ARHGAP29: variants seen among roughly 807,000 people sequenced by gnomAD.
ARHGAP29 encodes the protein rho GTPase-activating protein 29.
Under a neutral mutation model 122.6 loss-of-function variants are expected in ARHGAP29, and 43 were observed. That is an observed-to-expected ratio of 0.35 (90% confidence interval 0.27 to 0.45). The LOEUF (loss-of-function observed/expected upper bound fraction) is 0.45, where lower values mean the gene tolerates loss of function less well. Among genes scored for constraint, ARHGAP29 ranks in the 20% least tolerant of loss-of-function variants. The probability of loss-of-function intolerance (pLI) is 1.00; values close to 1 mark genes in which losing one functional copy is unlikely to be tolerated. For synonymous variants in ARHGAP29, 506 were observed against 497.1 expected, an observed-to-expected ratio of 1.02 and a Z score of -0.24; for missense variants, 1,303 against 1,477.2, an observed-to-expected ratio of 0.88 and a Z score of 1.93.
intron 1 of ARHGAP29, among the ~76,000 whole-genome samples, chr1:94,273,662 T>G (rs978955691): frequency 6.6e-6 from 1 of 152,216 alleles, no homozygotes; most frequent in African/African-American, 2.4e-5. Context: ...CTGAAGCTTG[T>G]GCAAAACAAA....
intron 1 of ARHGAP29, among the ~76,000 whole-genome samples, chr1:94,252,021 C>T (rs973801380): frequency 3.3e-5 from 5 of 151,966 alleles, no homozygotes; most frequent in Non-Finnish European, 7.4e-5. Flanking sequence ...AATTCATCAA[C>T]GAATGAAAGA....
intron 12 of ARHGAP29, chr1:94,193,878 A>G (rs557691420): frequency 3.3e-5 from 5 of 152,156 alleles, no homozygotes; most frequent in Non-Finnish European, 7.4e-5. Flanking sequence ...TAAATAATAG[A>G]CTACTTTTTT....
chr1:94,254,325 A>G (rs1654239037), intron 1 of ARHGAP29, among the ~76,000 whole-genome samples: 1 of 152,238 alleles, frequency 6.6e-6, no homozygotes, highest in Non-Finnish European at 1.5e-5. Context: ...GGTCACAGAC[A>G]TAACCATATA....
At chr1:94,183,160 G>A (rs1424499950) in intron 19 of ARHGAP29, among the ~76,000 whole-genome samples, 1 of 151,750 alleles carries the variant, frequency 6.6e-6, no homozygotes, top group Non-Finnish European at 1.5e-5. Context: ...ACATCACTGT[G>A]TACTCTATAA....
the ARHGAP29 span, among the ~76,000 whole-genome samples, chr1:94,312,135 T>C: frequency 6.6e-6 from 1 of 152,212 alleles, no homozygotes; most frequent in African/African-American, 2.4e-5. Flanking sequence ...AAAGTTGTTA[T>C]ATTTGCTGTC....
chr1:94,264,193 T>C (rs1654669018), intron 1 of ARHGAP29, among the ~76,000 whole-genome samples: 2 of 152,240 alleles, frequency 1.3e-5, no homozygotes, highest in African/African-American at 4.8e-5. Flanking sequence ...AATGGCCATC[T>C]GACTATGGCA....
At chr1:94,259,630 A>AG (rs1654482681) in intron 1 of ARHGAP29, among the ~76,000 whole-genome samples, 1 of 152,158 alleles carries the variant, frequency 6.6e-6, no homozygotes, top group Non-Finnish European at 1.5e-5. Context: ...AGGAACACCA[A>AG]GGATTGCCGG....
At chr1:94,207,979 G>A (rs922858183) in intron 5 of ARHGAP29, among the ~76,000 whole-genome samples, 3 of 151,934 alleles carry the variant, frequency 2.0e-5, no homozygotes, top group African/African-American at 7.3e-5. Context: ...CAAGTAGCTG[G>A]GACTACAGAC....
the ARHGAP29 span, chr1:94,302,627 TA>T: frequency 2.3e-6 from 1 of 432,132 alleles, no homozygotes; most frequent in South Asian, 1.7e-5. Context: ...GGCTCTCCAT[TA>T]CATCATCCCT....
chr1:94,287,778 T>C, the ARHGAP29 span, among the ~76,000 whole-genome samples: 34 of 137,300 alleles, frequency 2.5e-4, no homozygotes, highest in African/African-American at 8.0e-4. Context: ...TGTGATAGTT[T>C]GCTGAGAATG....
At chr1:94,231,689 A>G in intron 1 of ARHGAP29, 46 bp from the exon 2 acceptor site, 1 of 1,418,756 alleles carries the variant, frequency 7.0e-7, no homozygotes, top group East Asian at 2.3e-5. Context: ...GGAGAGAGAA[A>G]GAAACACAAA....
chr1:94,309,307 G>C, the ARHGAP29 span, among the ~76,000 whole-genome samples: 1 of 152,186 alleles, frequency 6.6e-6, no homozygotes, highest in Non-Finnish European at 1.5e-5. Flanking sequence ...ACAGCGAGAG[G>C]ATGGTGGAAC....
the ARHGAP29 span, among the ~76,000 whole-genome samples, chr1:94,311,992 A>G: frequency 1.3e-5 from 2 of 152,136 alleles, no homozygotes; most frequent in Non-Finnish European, 2.9e-5. Context: ...TTTCTACTGG[A>G]TTATTCAGAT....
chr1:94,271,406 A>G (rs1406884292), intron 1 of ARHGAP29, among the ~76,000 whole-genome samples: 1 of 152,264 alleles, frequency 6.6e-6, no homozygotes, highest in Non-Finnish European at 1.5e-5. Context: ...AGGGGATTAC[A>G]TAAGGACACC....
chr1:94,249,390 A>T (rs1205151065), intron 1 of ARHGAP29: 1 of 152,126 alleles, frequency 6.6e-6, no homozygotes, highest in Non-Finnish European at 1.5e-5. Flanking sequence ...TTATTGAAAT[A>T]TTTTTCATTC....
chr1:94,290,706 G>A, the ARHGAP29 span, among the ~76,000 whole-genome samples: 2 of 152,172 alleles, frequency 1.3e-5, no homozygotes, highest in African/African-American at 4.8e-5. Context: ...GGAGCAGGTT[G>A]TTCAGTTTCC....
the ARHGAP29 span, among the ~76,000 whole-genome samples, chr1:94,313,140 T>C: frequency 3.3e-5 from 5 of 152,172 alleles, no homozygotes; most frequent in Admixed American, 6.5e-5. Context: ...AATGACAACT[T>C]CACTCTTCTA....
chr1:94,222,948 A>AT (rs11370745), intron 2 of ARHGAP29, among the ~76,000 whole-genome samples: 126,727 of 148,518 alleles, frequency 0.85, 54,246 homozygotes, highest in Non-Finnish European at 0.9. Context: ...CATAAACATA[A>AT]TTTTTTTTTT....
At chr1:94,257,888 C>T (rs1271553821) in intron 1 of ARHGAP29, among the ~76,000 whole-genome samples, 1 of 152,108 alleles carries the variant, frequency 6.6e-6, no homozygotes, top group East Asian at 1.9e-4. Context: ...TTATCAGAAC[C>T]CCTGAGAGCA....
Sources: gnomAD v4.1 joint callset for allele counts (sites outside exome capture counted in the v4.1 genomes callset) on GRCh38, gnomAD v4.1.1 for gene constraint, MANE v1.5 for transcripts, NCBI Gene and HGNC (gene_info 2026-07-23, HGNC 2026-07-21) for gene names.